Variants in PKD2 observed in about 807,000 individuals in gnomAD.
PKD2 encodes polycystin-2.
A neutral mutation model predicts 105.9 loss-of-function variants in PKD2; 48 were observed. That is an observed-to-expected ratio of 0.45 (90% confidence interval 0.36 to 0.58). The LOEUF (loss-of-function observed/expected upper bound fraction) is 0.58. Ranked by LOEUF, PKD2 falls within the 20% of genes least tolerant of loss-of-function variation. The pLI is 0.00. For missense variants in PKD2, 1,078 were observed against 1,255.3 expected (o/e 0.86, Z 2.13); for synonymous variants, 464 against 481.1 (o/e 0.96, Z 0.46).
rs369492553 is a variant in PKD2, at chr4:88,042,199, T to C, written c.1095-1034T>C. 1.3e-3 allele frequency among the ~76,000 whole-genome samples: 202 copies of C among 152,364 alleles called. 1 individual carries two copies. Among genetic ancestry groups the C allele is most frequent in the African/African-American group, 4.6e-3 (192 of 41,588 alleles). On this transcript the variant is annotated intron_variant, in intron 4 of 14. Coordinates refer to ENST00000237596, the MANE Select transcript of PKD2 (RefSeq NM_000297.4). ...CAATTTACCAAAGAAAGAGGTTTAA[T>C]GGACTTACAGTTCCACATGGCTGGG...
At chr4:88,029,044 G>A (rs1225837476) in intron 2 of PKD2, among the ~76,000 whole-genome samples, 1 of 152,156 alleles carries the variant, frequency 6.6e-6, no homozygotes, top group Admixed American at 6.5e-5. Context: ...TTTAGTGACT[G>A]TATTTCACAA....
At chr4:88,017,657 G>A (rs1386888490) in intron 1 of PKD2, among the ~76,000 whole-genome samples, 2 of 152,122 alleles carry the variant, frequency 1.3e-5, no homozygotes, top group African/African-American at 2.4e-5. Flanking sequence ...TGATCTACCC[G>A]CCTCACCCTC....
chr4:88,065,926 C>A, intron 12 of PKD2, 47 bp downstream of exon 12: 1 of 990,892 alleles, frequency 1.0e-6, no homozygotes, highest in Non-Finnish European at 1.6e-6. Flanking sequence ...ACCTACAACA[C>A]CACAGATGTA....
chr4:88,014,503 T>G (rs1726495788), intron 1 of PKD2, among the ~76,000 whole-genome samples: 1 of 128,768 alleles, frequency 7.8e-6, no homozygotes, highest in African/African-American at 2.7e-5. Flanking sequence ...AAAAAAAAAT[T>G]CAAGATTCTG....
At chr4:88,060,186 A>G (rs997002140) in intron 9 of PKD2, among the ~76,000 whole-genome samples, 41 of 152,204 alleles carry the variant, frequency 2.7e-4, no homozygotes, top group African/African-American at 9.4e-4. Context: ...GCCACTTGGA[A>G]GCAAAAATAG....
chr4:88,040,209 A>G (rs748619056), intron 4 of PKD2, among the ~76,000 whole-genome samples: 6 of 152,122 alleles, frequency 3.9e-5, no homozygotes, highest in Non-Finnish European at 8.8e-5. Flanking sequence ...CCTGACTCCA[A>G]AACCCATGTT....
intron 5 of PKD2, among the ~76,000 whole-genome samples, chr4:88,046,084 G>A (rs1182934700): frequency 6.6e-6 from 1 of 151,670 alleles, no homozygotes; most frequent in Non-Finnish European, 1.5e-5. Flanking sequence ...GAGCCCAGGA[G>A]TTTGAGACCA....
chr4:88,075,782 A>G lies in PKD2; in HGVS notation c.*88A>G. The G allele has an allele frequency of 5.7e-6, 5 of 880,838 alleles. No individual in the cohort carries two copies. The highest frequency in any genetic ancestry group is 5.3e-5 in the South Asian group (4 of 76,020). The allele number at this position is 880,838 out of a possible 1,614,324, so 54.6% of individuals were successfully genotyped here. A position where few individuals can be genotyped will look rare whatever the true frequency, so the allele number is the denominator to read the frequency against. On this transcript the variant is annotated 3_prime_UTR_variant, in exon 15 of 15. Coordinates refer to ENST00000237596, the MANE Select transcript of PKD2 (RefSeq NM_000297.4). ...ACAAGCACACTATTTATATGCCCTG[A>G]CCACCATAGGATGCTAGTCTTTGTG...
At chr4:88,012,045 C>CCA (rs1165164675) in intron 1 of PKD2, among the ~76,000 whole-genome samples, 4 of 151,746 alleles carry the variant, frequency 2.6e-5, no homozygotes, top group African/African-American at 7.3e-5. Flanking sequence ...TACAGCCACC[C>CCA]CACACACACA....
chr4:88,007,678 G>T lies in PKD2; in HGVS notation c.-56G>T, dbSNP rs1726214750. 9.2e-7 allele frequency: 1 copy of T among 1,089,220 alleles called. No homozygotes were observed. The highest frequency in any genetic ancestry group is 1.7e-5 in the African/African-American group (1 of 59,140). The allele number at this position is 1,089,220 out of a possible 1,614,324, so 67.5% of individuals were successfully genotyped here. A position where few individuals can be genotyped will look rare whatever the true frequency, so the allele number is the denominator to read the frequency against. Reference sequence around the variant, plus strand: ...GGAAGAAAGGAACATGGCTCCTGAGGCGCACAGCGCCGAGCGCGGCGCCGC... The same window carrying T: ...GGAAGAAAGGAACATGGCTCCTGAGTCGCACAGCGCCGAGCGCGGCGCCGC... On this transcript the variant is annotated 5_prime_UTR_variant, in exon 1 of 15. Coordinates refer to ENST00000237596, the MANE Select transcript of PKD2 (RefSeq NM_000297.4).
At chr4:88,058,205 C>T (rs1197565105) in intron 9 of PKD2, 102 bp downstream of exon 9, 2 of 766,730 alleles carry the variant, frequency 2.6e-6, no homozygotes, top group Non-Finnish European at 4.4e-6. Flanking sequence ...TAAATAAAGA[C>T]CCAGGAAGTA....
At chr4:88,040,482 C>G (rs570822645) in intron 4 of PKD2, among the ~76,000 whole-genome samples, 3 of 152,306 alleles carry the variant, frequency 2.0e-5, no homozygotes, top group Middle Eastern at 3.4e-3. Flanking sequence ...CTAAACTATC[C>G]TTTTATTCTT....
chr4:88,028,446 A>G (rs1218327098), intron 2 of PKD2, among the ~76,000 whole-genome samples: 2 of 152,262 alleles, frequency 1.3e-5, no homozygotes, highest in African/African-American at 4.8e-5. Flanking sequence ...GCAATCCATG[A>G]GAAGTAACTA....
In PKD2 at chr4:88,075,852, T is replaced by G. The variant is rs1721216361; in HGVS notation, c.*158T>G. ...CACTTTAATTTATTTTATATAAACT[T>G]TACCCATGGTTCAAAGATTTTTTTT... On this transcript the variant is annotated 3_prime_UTR_variant, in exon 15 of 15. Coordinates refer to ENST00000237596, the MANE Select transcript of PKD2 (RefSeq NM_000297.4). 1.4e-6 allele frequency: 1 copy of G among 691,208 alleles called. No individual in the cohort carries two copies. The highest frequency in any genetic ancestry group is 1.8e-5 in the African/African-American group (1 of 55,332). 42.8% of individuals were successfully genotyped at this position (691,208 alleles called of 1,614,324 possible).
chr4:88,074,018 T>C (rs1721134783), intron 13 of PKD2, among the ~76,000 whole-genome samples: 1 of 152,230 alleles, frequency 6.6e-6, no homozygotes, highest in African/African-American at 2.4e-5. Flanking sequence ...TTTAATATAT[T>C]GTAAATCTAA....
intron 2 of PKD2, among the ~76,000 whole-genome samples, chr4:88,031,334 A>G (rs114040941): frequency 0.017 from 2,565 of 152,352 alleles, 33 homozygotes; most frequent in South Asian, 0.046. Context: ...ATGTAACTCT[A>G]CTATAAGTCA....
intron 1 of PKD2, among the ~76,000 whole-genome samples, chr4:88,017,582 G>A (rs1726602444): frequency 6.6e-6 from 1 of 151,936 alleles, no homozygotes; most frequent in African/African-American, 2.4e-5. Flanking sequence ...GCTAAGTTTT[G>A]TATTTTTAGT....
rs1227917241 is a variant in PKD2, at chr4:88,077,741, G to A, written c.*2047G>A. On this transcript the variant is annotated 3_prime_UTR_variant, in exon 15 of 15. Transcript: ENST00000237596. ...GAATGTTATTAATGTGTAATACTGA[G>A]CACTTTACTTCTTAATAAAAACTTG... The A allele has an allele frequency of 6.6e-6, 1 of 152,140 alleles. No individual in the cohort carries two copies. Among genetic ancestry groups the A allele is most frequent in the East Asian group, 1.9e-4 (1 of 5,200 alleles). The allele number at this position is 152,140 out of a possible 1,614,324, so 9.4% of individuals were successfully genotyped here. A position where few individuals can be genotyped will look rare whatever the true frequency, so the allele number is the denominator to read the frequency against.
chr4:88,043,430 C>G lies in PKD2; in HGVS notation c.1292C>G (p.Ala431Gly). The G allele has an allele frequency of 6.2e-7, 1 of 1,612,934 alleles. No homozygotes were observed. Among genetic ancestry groups the G allele is most frequent in the Non-Finnish European group, 8.5e-7 (1 of 1,179,016 alleles). Residue 431 changes from alanine to glycine, a missense_variant, in exon 5 of 15, where the codon GCC becomes GGC. This residue lies in a region of PKD2 where 868 missense variants were observed against 1,067.3 expected (regional missense o/e 0.81). Coordinates refer to ENST00000237596, the MANE Select transcript of PKD2 (RefSeq NM_000297.4). Reference sequence around the variant, plus strand: ...TTTATTGACTTCTCAGTGTACAACGCCAACATTAACCTGTTCTGTGTGGTC... The same window carrying G: ...TTTATTGACTTCTCAGTGTACAACGGCAACATTAACCTGTTCTGTGTGGTC... ...ATFIDFSVYN[A>G]NINLFCVVRL...
Sources: gnomAD v4.1 joint callset for allele counts (sites outside exome capture counted in the v4.1 genomes callset) on GRCh38, gnomAD v4.1.1 for gene constraint, gnomAD v4.1.1 regional missense constraint, MANE v1.5 for transcripts, NCBI Gene and HGNC (gene_info 2026-07-23, HGNC 2026-07-21) for gene names.